Variants in CDH12 observed in about 807,000 individuals in gnomAD.
CDH12 encodes cadherin 12, also known as cadherin-12.
A neutral mutation model predicts 74.1 loss-of-function variants in CDH12; 41 were observed. The observed-to-expected ratio is 0.55, with a 90% CI of 0.43 to 0.72. The LOEUF is 0.72. CDH12 is among the 30% of genes least tolerant of loss of function. CDH12 has a pLI of 0.00. For synonymous variants in CDH12, 399 were observed against 355.0 expected, an observed-to-expected ratio of 1.12 and a Z score of -1.39; for missense variants, 945 against 977.2, an observed-to-expected ratio of 0.97 and a Z score of 0.44.
intron 1 of CDH12, among the ~76,000 whole-genome samples, chr5:22,646,934 A>C (rs1237589913): frequency 1.3e-5 from 2 of 151,952 alleles, no homozygotes; most frequent in Admixed American, 6.6e-5. Flanking sequence ...CAAATAAGTG[A>C]TCACTTAGAA....
chr5:22,815,230 T>C (rs543938011), intron 1 of CDH12, among the ~76,000 whole-genome samples: 9 of 152,094 alleles, frequency 5.9e-5, no homozygotes, highest in Non-Finnish European at 1.2e-4. Flanking sequence ...ATGTAATGCA[T>C]ATGGTTGAAT....
chr5:22,658,910 T>G (rs1029013005), intron 1 of CDH12, among the ~76,000 whole-genome samples: 1 of 152,096 alleles, frequency 6.6e-6, no homozygotes, highest in African/African-American at 2.4e-5. Flanking sequence ...CAAAGGCTTA[T>G]AGGGGGGGAT....
At chr5:22,402,892 G>C (rs1260909261) in intron 3 of CDH12, among the ~76,000 whole-genome samples, 4 of 152,110 alleles carry the variant, frequency 2.6e-5, no homozygotes, top group Non-Finnish European at 4.4e-5. Flanking sequence ...GACCCACAAT[G>C]TTTTTGAAAA....
chr5:22,628,213 T>C (rs1329484223), intron 1 of CDH12, among the ~76,000 whole-genome samples: 1 of 152,014 alleles, frequency 6.6e-6, no homozygotes, highest in African/African-American at 2.4e-5. Context: ...TAAAACTAGA[T>C]ATTCAGGACT....
At chr5:21,850,906 C>T (rs1317837921) in intron 7 of CDH12, among the ~76,000 whole-genome samples, 1 of 151,122 alleles carries the variant, frequency 6.6e-6, no homozygotes, top group Non-Finnish European at 1.5e-5. Flanking sequence ...ACGTATTTTT[C>T]ACAATGCATG....
chr5:22,628,613 G>T (rs909481635), intron 1 of CDH12, among the ~76,000 whole-genome samples: 1 of 152,080 alleles, frequency 6.6e-6, no homozygotes, highest in African/African-American at 2.4e-5. Context: ...TAACAGGGAA[G>T]TTTATAGCGC....
At chr5:22,504,716 A>AGAT (rs571986296) in intron 2 of CDH12, among the ~76,000 whole-genome samples, 31 of 152,216 alleles carry the variant, frequency 2.0e-4, no homozygotes, top group Admixed American at 3.9e-4. Flanking sequence ...AAGGAAAAGC[A>AGAT]GATTACAATT....
chr5:22,819,852 A>C (rs1749580935), intron 1 of CDH12, among the ~76,000 whole-genome samples: 1 of 149,788 alleles, frequency 6.7e-6, no homozygotes, highest in Non-Finnish European at 1.5e-5. Context: ...TCCAGATAGA[A>C]GATATCCAGA....
At chr5:22,107,131 T>G (rs1744491711) in intron 4 of CDH12, among the ~76,000 whole-genome samples, 1 of 150,024 alleles carries the variant, frequency 6.7e-6, no homozygotes, top group African/African-American at 2.5e-5. Flanking sequence ...GCCACATTTC[T>G]ACTTTTTTTT....
At chr5:22,395,231 A>G (rs1024573239) in intron 3 of CDH12, among the ~76,000 whole-genome samples, 1 of 152,144 alleles carries the variant, frequency 6.6e-6, no homozygotes, top group Non-Finnish European at 1.5e-5. Flanking sequence ...ATGGAAGAGG[A>G]GGATGCAGTA....
At chr5:21,980,736 C>A (rs2963522) in intron 5 of CDH12, among the ~76,000 whole-genome samples, 3,038 of 152,168 alleles carry the variant, frequency 0.02, 108 homozygotes, top group African/African-American at 0.07. Context: ...ATCATAAATT[C>A]ATTACCAAAA....
intron 5 of CDH12, among the ~76,000 whole-genome samples, chr5:22,073,217 C>T (rs1338713980): frequency 6.6e-6 from 1 of 152,054 alleles, no homozygotes; most frequent in Non-Finnish European, 1.5e-5. Context: ...GTCTCTGAAA[C>T]TAGGGTTTAT....
chr5:22,549,292 T>G (rs1738463477), intron 1 of CDH12, among the ~76,000 whole-genome samples: 1 of 151,984 alleles, frequency 6.6e-6, no homozygotes, highest in Non-Finnish European at 1.5e-5. Flanking sequence ...CTTCTTAAGA[T>G]TTACTTTTGT....
chr5:22,638,669 T>C (rs901130904), intron 1 of CDH12: 6 of 152,214 alleles, frequency 3.9e-5, no homozygotes, highest in African/African-American at 1.4e-4. Context: ...TTAACCGTCA[T>C]AGCTCAATAC....
At chr5:22,790,764 A>T (rs1747867145) in intron 1 of CDH12, among the ~76,000 whole-genome samples, 1 of 152,108 alleles carries the variant, frequency 6.6e-6, no homozygotes, top group Non-Finnish European at 1.5e-5. Flanking sequence ...AAATTGATGG[A>T]GCTGTTACGT....
At chr5:22,316,124 G>A (rs1738624702) in intron 3 of CDH12, among the ~76,000 whole-genome samples, 1 of 152,060 alleles carries the variant, frequency 6.6e-6, no homozygotes, top group East Asian at 1.9e-4. Flanking sequence ...ATACCTACCA[G>A]TGCATGAGCC....
intron 7 of CDH12, among the ~76,000 whole-genome samples, chr5:21,844,767 A>G (rs948995367): frequency 2.0e-5 from 3 of 152,154 alleles, no homozygotes; most frequent in Non-Finnish European, 4.4e-5. Flanking sequence ...AAATAACCAG[A>G]AAAAAACAAT....
chr5:22,515,629 A>G (rs1167351932), intron 1 of CDH12, among the ~76,000 whole-genome samples: 1 of 152,094 alleles, frequency 6.6e-6, no homozygotes, highest in South Asian at 2.1e-4. Context: ...AACCTAATAT[A>G]CAGCAAAGCT....
chr5:22,102,336 G>A (rs918322167), intron 4 of CDH12, among the ~76,000 whole-genome samples: 1 of 152,044 alleles, frequency 6.6e-6, no homozygotes, highest in African/African-American at 2.4e-5. Context: ...AAAGTAGTGC[G>A]ATGGTTTGAA....
Sources: gnomAD v4.1 joint callset for allele counts (sites outside exome capture counted in the v4.1 genomes callset) on GRCh38, gnomAD v4.1.1 for gene constraint, MANE v1.5 for transcripts, NCBI Gene and HGNC (gene_info 2026-07-23, HGNC 2026-07-21) for gene names.